R3HDM1: variants seen among roughly 807,000 people sequenced by gnomAD.
R3HDM1 encodes the protein R3H domain containing 1.
Under a neutral mutation model 141.1 loss-of-function variants are expected in R3HDM1, and 46 were observed. The ratio of observed to expected loss-of-function variants is 0.33; its 90% CI spans 0.26 to 0.42. R3HDM1 has a LOEUF of 0.42. Among genes scored for constraint, R3HDM1 ranks in the 10% least tolerant of loss-of-function variants. The probability of loss-of-function intolerance (pLI) is 1.00; values close to 1 mark genes in which losing one functional copy is unlikely to be tolerated. For missense variants in R3HDM1, 1,184 were observed against 1,368.3 expected, an observed-to-expected ratio of 0.87 and a Z score of 2.12; for synonymous variants, 435 against 472.9, an observed-to-expected ratio of 0.92 and a Z score of 1.04.
intron 21 of R3HDM1, among the ~76,000 whole-genome samples, chr2:135,700,521 T>C (rs2074054038): frequency 6.6e-6 from 1 of 152,192 alleles, no homozygotes; most frequent in African/African-American, 2.4e-5. Context: ...GACAATAAGA[T>C]GTAGGGTGGT....
At chr2:135,667,366 T>C in intron 19 of R3HDM1, 2 of 439,526 alleles carry the variant, frequency 4.6e-6, no homozygotes, top group Non-Finnish European at 6.0e-6. Flanking sequence ...AACAGTGCAG[T>C]CCTTTAACAA....
chr2:135,669,649 C>G, intron 19 of R3HDM1: 1 of 861,452 alleles, frequency 1.2e-6, no homozygotes, highest in Non-Finnish European at 1.4e-6. Flanking sequence ...GTGCAGCTCT[C>G]AGCTACACAT....
At chr2:135,626,209 G>GCTTGCTTGCTTGCT (rs1553576640) in intron 7 of R3HDM1, among the ~76,000 whole-genome samples, 2,054 of 143,166 alleles carry the variant, frequency 0.014, 45 homozygotes, top group African/African-American at 0.056. Flanking sequence ...GCGTGCGTGC[G>GCTTGCTTGCTTGCT]TGCTTGCTTG....
chr2:135,626,201 G>T (rs199804501), intron 7 of R3HDM1, among the ~76,000 whole-genome samples: 81 of 108,496 alleles, frequency 7.5e-4, no homozygotes, highest in African/African-American at 4.3e-3. Flanking sequence ...GCGTGCGTGC[G>T]TGCGTGCGTG....
chr2:135,698,202 C>T (rs2073572853), intron 21 of R3HDM1, among the ~76,000 whole-genome samples: 1 of 150,504 alleles, frequency 6.6e-6, no homozygotes, highest in Admixed American at 6.6e-5. Flanking sequence ...CTCTGTCACC[C>T]AGGCTGGAGT....
At chr2:135,707,641 A>C (rs964607461) in intron 21 of R3HDM1, among the ~76,000 whole-genome samples, 2 of 152,228 alleles carry the variant, frequency 1.3e-5, no homozygotes, top group African/African-American at 4.8e-5. Flanking sequence ...AAACAAGATC[A>C]GAGTGAGGGG....
chr2:135,678,747 T>C (rs6753232), intron 20 of R3HDM1, among the ~76,000 whole-genome samples: 30,322 of 145,602 alleles, frequency 0.21, 3,725 homozygotes, highest in East Asian at 0.45. Flanking sequence ...ATAGTGGTTA[T>C]ACTGGCTTGC....
At chr2:135,667,195 C>G in intron 19 of R3HDM1, 1 of 982,438 alleles carries the variant, frequency 1.0e-6, no homozygotes, top group Non-Finnish European at 1.2e-6. Flanking sequence ...CATTTCCTTC[C>G]TGCTCTCTTC....
intron 21 of R3HDM1, among the ~76,000 whole-genome samples, chr2:135,693,420 G>A (rs1166832457): frequency 1.3e-5 from 2 of 151,778 alleles, no homozygotes; most frequent in African/African-American, 2.4e-5. Context: ...TAGGAAAAAG[G>A]AGTGTGGAAG....
chr2:135,536,497 C>T (rs1696152854), intron 1 of R3HDM1: 1 of 905,496 alleles, frequency 1.1e-6, no homozygotes, highest in Middle Eastern at 5.7e-4. Flanking sequence ...GTTTGCTTTA[C>T]TAAAGTTTTT....
chr2:135,553,233 G>C (rs4954262), intron 1 of R3HDM1, among the ~76,000 whole-genome samples: 39,021 of 152,076 alleles, frequency 0.26, 8,837 homozygotes, highest in African/African-American at 0.6. Flanking sequence ...TGTTTGCTTA[G>C]ATATTTGAAA....
chr2:135,550,042 G>A, intron 1 of R3HDM1: 2 of 982,874 alleles, frequency 2.0e-6, no homozygotes, highest in Non-Finnish European at 2.4e-6. Context: ...ATATTCATAA[G>A]ACCCAAGTTT....
In R3HDM1 at chr2:135,635,757, A is replaced by G. The variant is rs549965257; in HGVS notation, c.699-133A>G. 368 of 1,093,482 alleles carry G rather than the reference A, an allele frequency of 3.4e-4. 1 individual carries two copies. The highest frequency in any genetic ancestry group is 4.4e-4 in the Admixed American group (15 of 33,808). The allele number at this position is 1,093,482 out of a possible 1,614,324, so 67.7% of individuals were successfully genotyped here. On this transcript the variant is annotated intron_variant, in intron 9 of 26. Coordinates refer to ENST00000683871, the MANE Select transcript of R3HDM1 (RefSeq NM_001378107.1). ...TATTGTGAGGACTAAATGAGACTGC[A>G]TAAGCATCTATGGATGGCACTAAAA...
chr2:135,681,359 C>T (rs1167524567), intron 21 of R3HDM1, among the ~76,000 whole-genome samples: 1 of 152,148 alleles, frequency 6.6e-6, no homozygotes, highest in East Asian at 1.9e-4. Flanking sequence ...CTCAAATCCG[C>T]CTCTGAAAAT....
At chr2:135,600,678 C>G (rs576002857) in intron 1 of R3HDM1, among the ~76,000 whole-genome samples, 1 of 152,270 alleles carries the variant, frequency 6.6e-6, no homozygotes, top group Admixed American at 6.5e-5. Flanking sequence ...GCCATTGACT[C>G]CTTCCCAGGC....
At chr2:135,717,777 A>G (rs2076313849) in intron 24 of R3HDM1, among the ~76,000 whole-genome samples, 2 of 152,230 alleles carry the variant, frequency 1.3e-5, no homozygotes, top group Non-Finnish European at 2.9e-5. Context: ...CGCTTTAGGA[A>G]AAGGTATGGC....
At chr2:135,606,721 A>G (rs2060093078) in intron 3 of R3HDM1, 1 of 141,914 alleles carries the variant, frequency 7.0e-6, no homozygotes, top group South Asian at 2.3e-4. Flanking sequence ...GCACCACTGC[A>G]CTCCAGCCTA....
At chr2:135,542,619 C>T (rs1295116094) in intron 1 of R3HDM1, among the ~76,000 whole-genome samples, 2 of 152,146 alleles carry the variant, frequency 1.3e-5, no homozygotes, top group African/African-American at 2.4e-5. Context: ...ATATTATAAG[C>T]ATATTATCTG....
rs1265315195 is a variant in R3HDM1 at position 135,604,797 on chromosome 2, T to G, written c.-40-9T>G. ...AAGTTTCAAACTGTATTAATTTTTT[T>G]TTCTTAAGGCTTCAAGCTCCCTGTA... On this transcript the variant is annotated splice_polypyrimidine_tract_variant and intron_variant, in intron 2 of 26. Coordinates refer to ENST00000683871, the MANE Select transcript of R3HDM1 (RefSeq NM_001378107.1). The G allele has an allele frequency of 5.7e-6, 9 of 1,585,632 alleles. No individual in the cohort carries two copies. The highest frequency in any genetic ancestry group is 7.8e-6 in the Non-Finnish European group (9 of 1,158,956).
Sources: allele counts gnomAD v4.1 joint callset (sites outside exome capture counted in the v4.1 genomes callset), GRCh38; gene constraint gnomAD v4.1.1; transcripts MANE v1.5; gene names NCBI Gene and HGNC (gene_info 2026-07-23, HGNC 2026-07-21).